The following FAM227B variants were observed in gnomAD, a reference collection of about 807,000 sequenced individuals.
The protein encoded by FAM227B is family with sequence similarity 227 member B.
In FAM227B, 88 loss-of-function variants were observed where a neutral mutation model predicts 73.8. The observed-to-expected ratio is 1.19, with a 90% CI of 1.00 to 1.42. The LOEUF is 1.42. Among genes scored for constraint, FAM227B ranks in the 40% most tolerant of loss-of-function variants. The pLI is 0.00. For missense variants in FAM227B, 632 were observed against 590.9 expected (o/e 1.07, Z -0.72); for synonymous variants, 210 against 190.5 (o/e 1.10, Z -0.84).
intron 3 of FAM227B, among the ~76,000 whole-genome samples, chr15:49,608,198 T>G (rs2077646266): frequency 6.6e-6 from 1 of 152,148 alleles, no homozygotes; most frequent in Admixed American, 6.5e-5. Context: ...AATTCTACAT[T>G]ATAGCGCTGT....
At chr15:49,360,563 T>C (rs1215348828) in intron 13 of FAM227B, among the ~76,000 whole-genome samples, 2 of 124,040 alleles carry the variant, frequency 1.6e-5, no homozygotes, top group East Asian at 2.3e-4. Flanking sequence ...AGGTGGCTTA[T>C]AAAAACATAG....
chr15:49,599,507 AGT>A (rs2077065301), intron 3 of FAM227B, among the ~76,000 whole-genome samples: 1 of 151,884 alleles, frequency 6.6e-6, no homozygotes, highest in Non-Finnish European at 1.5e-5. Context: ...TGCTTGTTCT[AGT>A]TACTTGAGAT....
chr15:49,612,636 G>A (rs1181453829), intron 2 of FAM227B, among the ~76,000 whole-genome samples: 2 of 152,024 alleles, frequency 1.3e-5, no homozygotes, highest in Non-Finnish European at 2.9e-5. Context: ...CCAGTGAGAA[G>A]GCAAAAATAA....
At chr15:49,373,968 C>A (rs1178181301) in intron 11 of FAM227B, among the ~76,000 whole-genome samples, 3 of 152,028 alleles carry the variant, frequency 2.0e-5, no homozygotes, top group African/African-American at 7.2e-5. Context: ...CAAGAAAAGG[C>A]CTCATACCTG....
At chr15:49,392,131 A>G (rs944459314) in intron 11 of FAM227B, among the ~76,000 whole-genome samples, 2 of 152,178 alleles carry the variant, frequency 1.3e-5, no homozygotes, top group African/African-American at 2.4e-5. Flanking sequence ...GAAAAATTCA[A>G]CATCTATTAT....
intron 11 of FAM227B, among the ~76,000 whole-genome samples, chr15:49,469,183 T>C (rs907440140): frequency 6.6e-6 from 1 of 152,204 alleles, no homozygotes; most frequent in African/African-American, 2.4e-5. Context: ...TTTATTTTCT[T>C]ATAAGACATT....
intron 5 of FAM227B, among the ~76,000 whole-genome samples, chr15:49,585,153 A>G (rs2076072197): frequency 1.3e-5 from 2 of 152,082 alleles, no homozygotes; most frequent in African/African-American, 4.8e-5. Context: ...ACCATCTCAC[A>G]CCAGTTAGAA....
At chr15:49,548,095 C>T (rs1325649113) in intron 9 of FAM227B, among the ~76,000 whole-genome samples, 1 of 152,106 alleles carries the variant, frequency 6.6e-6, no homozygotes, top group Non-Finnish European at 1.5e-5. Flanking sequence ...TGTCATGTTC[C>T]AGATCTTAGA....
At chr15:49,437,442 AAAGT>A (rs1405164608) in intron 11 of FAM227B, among the ~76,000 whole-genome samples, 1 of 151,640 alleles carries the variant, frequency 6.6e-6, no homozygotes, top group Non-Finnish European at 1.5e-5. Context: ...CGCTCCACAA[AAAGT>A]AAGAGGCAAA....
intron 3 of FAM227B, among the ~76,000 whole-genome samples, chr15:49,590,985 T>G (rs1370551922): frequency 6.6e-6 from 1 of 150,716 alleles, no homozygotes; most frequent in Non-Finnish European, 1.5e-5. Context: ...CTGTCAAAAA[T>G]AGAGAGATCT....
intron 9 of FAM227B, among the ~76,000 whole-genome samples, chr15:49,547,076 G>A (rs990569574): frequency 4.6e-5 from 7 of 152,140 alleles, no homozygotes; most frequent in Non-Finnish European, 8.8e-5. Flanking sequence ...GACTAACAGC[G>A]GATCTCTTGG....
At chr15:49,524,953 T>G (rs2060049065) in intron 10 of FAM227B, among the ~76,000 whole-genome samples, 2 of 152,210 alleles carry the variant, frequency 1.3e-5, no homozygotes. Context: ...AGGAAGTAAC[T>G]AACTTGCTTT....
At position 49,495,089 on chromosome 15, in the gene FAM227B, C is replaced by T. The variant is rs59174143; in HGVS notation, c.1012+13122G>A. On this transcript the variant is annotated intron_variant, in intron 11 of 15. Transcript: ENST00000299338. ...TTTTAATGTCATTTAGTATAATATG[C>T]TAATAATTCATTTCATAATATAATG... Among the ~76,000 whole-genome samples the T allele has an allele frequency of 2.7e-3, 415 of 152,228 alleles. 3 individuals are homozygous for T. Among genetic ancestry groups the T allele is most frequent in the African/African-American group, 9.6e-3 (398 of 41,540 alleles).
Position 49,376,765 on chromosome 15 carries a change from T to A in FAM227B, c.1013-5366A>T, listed in dbSNP as rs572406181. Reference sequence around the variant, plus strand: ...TGGGAGGTTTTTTCATTCATTTAGGTCTTCTATACTTTCTTTCAATACTGG... The same window carrying A: ...TGGGAGGTTTTTTCATTCATTTAGGACTTCTATACTTTCTTTCAATACTGG... On this transcript the variant is annotated intron_variant, in intron 11 of 15. Coordinates refer to ENST00000299338, the MANE Select transcript of FAM227B (RefSeq NM_152647.3). Among the ~76,000 whole-genome samples, 138 of 152,054 alleles carry A rather than the reference T, an allele frequency of 9.1e-4. 5 individuals carry two copies. The South Asian group carries it at 0.027, about 30-fold the overall frequency.
At chr15:49,506,733 C>T (rs2058614563) in intron 11 of FAM227B, among the ~76,000 whole-genome samples, 1 of 151,810 alleles carries the variant, frequency 6.6e-6, no homozygotes, top group South Asian at 2.1e-4. Flanking sequence ...GTAGGAATTA[C>T]AGTAAATGTT....
intron 11 of FAM227B, among the ~76,000 whole-genome samples, chr15:49,433,819 G>A (rs1008988251): frequency 1.3e-5 from 2 of 151,660 alleles, no homozygotes; most frequent in Non-Finnish European, 2.9e-5. Flanking sequence ...ATCCATGCAT[G>A]CCAAAAACTA....
intron 9 of FAM227B, among the ~76,000 whole-genome samples, chr15:49,563,912 C>A (rs570138602): frequency 6.6e-6 from 1 of 152,264 alleles, no homozygotes; most frequent in Non-Finnish European, 1.5e-5. Context: ...AAGTACCTTT[C>A]TGGACATTGG....
chr15:49,498,244 T>C (rs1190598514), intron 11 of FAM227B, among the ~76,000 whole-genome samples: 3 of 152,222 alleles, frequency 2.0e-5, no homozygotes, highest in Non-Finnish European at 4.4e-5. Context: ...TGAATTTCAA[T>C]TTATAGTCTA....
At chr15:49,491,077 GCTCTTATTCTTGTCTCTCCTTCC>G in intron 11 of FAM227B, among the ~76,000 whole-genome samples, 1 of 151,888 alleles carries the variant, frequency 6.6e-6, no homozygotes, top group East Asian at 1.9e-4. Context: ...AATTTAGTCA[GCTCTTATTCTTGTCTCTCCTTCC>G]CTTTGACTCT....
Sources: gnomAD v4.1 joint callset for allele counts (sites outside exome capture counted in the v4.1 genomes callset) on GRCh38, gnomAD v4.1.1 for gene constraint, MANE v1.5 for transcripts, NCBI Gene and HGNC (gene_info 2026-07-23, HGNC 2026-07-21) for gene names.